Variants in VPS8 observed in about 807,000 individuals in gnomAD.
The protein encoded by VPS8 is VPS8 subunit of CORVET complex.
In VPS8, 129 loss-of-function variants were observed where a neutral mutation model predicts 216.4. That is an observed-to-expected ratio of 0.60 (90% CI 0.52 to 0.69). The LOEUF (loss-of-function observed/expected upper bound fraction) is 0.69. VPS8 is among the 30% of genes least tolerant of loss of function. The pLI is 0.00. For missense variants in VPS8, 1,531 were observed against 1,683.5 expected (o/e 0.91, Z 1.59); for synonymous variants, 571 against 565.4 (o/e 1.01, Z -0.14).
intron 45 of VPS8, among the ~76,000 whole-genome samples, chr3:185,020,757 C>T (rs972171489): frequency 6.6e-6 from 1 of 152,164 alleles, no homozygotes; most frequent in African/African-American, 2.4e-5. Context: ...GTATAAGATA[C>T]CATTCCTAGC....
chr3:185,017,724 T>C (rs1356061579), intron 45 of VPS8, among the ~76,000 whole-genome samples: 1 of 152,166 alleles, frequency 6.6e-6, no homozygotes, highest in Non-Finnish European at 1.5e-5. Flanking sequence ...ACAGCTTTTG[T>C]GCAGCGTAAA....
chr3:184,927,697 A>G lies in VPS8; in HGVS notation c.2632-754A>G, dbSNP rs924682422. On this transcript the variant is annotated intron_variant, in intron 31 of 47. Coordinates refer to ENST00000625842, the MANE Select transcript of VPS8 (RefSeq NM_001009921.3). ...TCCCCAGAACTCTTTTATCTTCCCA[A>G]ACTGAACTACCATACCAATTAAATC... Among the ~76,000 whole-genome samples, 13 of 152,216 alleles carry G rather than the reference A, an allele frequency of 8.5e-5. No homozygotes were observed. In the East Asian group the frequency reaches 1.5e-3, roughly 18 times the overall value.
At chr3:184,969,423 C>G (rs1480212276) in intron 39 of VPS8, among the ~76,000 whole-genome samples, 3 of 101,914 alleles carry the variant, frequency 2.9e-5, no homozygotes, top group Non-Finnish European at 1.9e-5. Context: ...GCCCCACCCC[C>G]CCCCCTTTTT....
rs973004376 is a variant in VPS8, at chr3:184,866,778, G to A, written c.1396-98G>A. The A allele has an allele frequency of 3.5e-5, 38 of 1,081,160 alleles. 1 individual carries two copies. Among genetic ancestry groups the A allele is most frequent in the African/African-American group, 2.1e-4 (13 of 61,958 alleles). The allele number at this position is 1,081,160 out of a possible 1,614,324, so 67.0% of individuals were successfully genotyped here. ...GTAAACTATAATCACTAAAAAAGACGTGTAACTAATAAGTCATTAATAGTG... is the reference window on the plus strand; with the variant it reads ...GTAAACTATAATCACTAAAAAAGACATGTAACTAATAAGTCATTAATAGTG... On this transcript the variant is annotated intron_variant, in intron 16 of 47. Transcript: ENST00000625842.
intron 8 of VPS8, among the ~76,000 whole-genome samples, chr3:184,846,756 A>G (rs1424550713): frequency 6.6e-6 from 1 of 152,250 alleles, no homozygotes; most frequent in Non-Finnish European, 1.5e-5. Flanking sequence ...TTACCTATAC[A>G]TGTGACCCAG....
intron 1 of VPS8, chr3:184,812,543 C>T (rs930330520): frequency 1.3e-5 from 2 of 152,228 alleles, no homozygotes; most frequent in African/African-American, 4.8e-5. Flanking sequence ...TTATTGGCTC[C>T]AAACCTGGAA....
intron 26 of VPS8, among the ~76,000 whole-genome samples, 196 bp from the exon 27 acceptor site, chr3:184,914,785 C>G (rs1159088117): frequency 6.6e-6 from 1 of 152,144 alleles, no homozygotes; most frequent in Non-Finnish European, 1.5e-5. Flanking sequence ...GATGCATTAC[C>G]TCACCTCCAT....
rs1738356504 is a variant in VPS8, at chr3:184,920,149, ACAAG to A, written c.2411_2414del (p.Gln804LeufsTer13). On this transcript the variant is annotated frameshift_variant, in exon 29 of 48. Coordinates refer to ENST00000625842, the MANE Select transcript of VPS8 (RefSeq NM_001009921.3). LOFTEE classifies it high-confidence loss of function. The stretch of plus-strand genomic sequence containing the variant: ...TAGACTTTTGAAGATTTTAAAAATG[ACAAG>A]CAAGCTGTGGAATATCAACAGCGAA... 6 of 1,525,362 alleles carry A rather than the reference ACAAG, an allele frequency of 3.9e-6. No individual in the cohort carries two copies. Among genetic ancestry groups the A allele is most frequent in the Non-Finnish European group, 4.4e-6 (5 of 1,138,052 alleles). 94.5% of individuals were successfully genotyped at this position (1,525,362 alleles called of 1,614,324 possible).
intron 35 of VPS8, among the ~76,000 whole-genome samples, chr3:184,937,089 A>C (rs537735226): frequency 1.3e-5 from 2 of 152,282 alleles, no homozygotes; most frequent in East Asian, 3.9e-4. Flanking sequence ...TGTCATCCTG[A>C]AATTGTGCTG....
chr3:184,891,802 T>A (rs1425568086), intron 22 of VPS8, among the ~76,000 whole-genome samples: 1 of 152,226 alleles, frequency 6.6e-6, no homozygotes, highest in Non-Finnish European at 1.5e-5. Flanking sequence ...ACTTGTTTGG[T>A]TCTGGTTATA....
At chr3:184,836,341 A>C (rs774911798) in intron 5 of VPS8, 1 of 456,342 alleles carries the variant, frequency 2.2e-6, no homozygotes, top group East Asian at 6.9e-5. Flanking sequence ...GTAGGTGATG[A>C]AATTCATTCC....
At chr3:184,898,467 T>G (rs1018296161) in intron 23 of VPS8, 98 bp from the exon 24 acceptor site, 6 of 931,100 alleles carry the variant, frequency 6.4e-6, no homozygotes, top group African/African-American at 1.7e-5. Flanking sequence ...ACAAGAAAAA[T>G]TAGGGAAGAG....
intron 3 of VPS8, among the ~76,000 whole-genome samples, chr3:184,829,860 C>T (rs1307763658): frequency 3.9e-5 from 6 of 152,060 alleles, no homozygotes; most frequent in African/African-American, 1.4e-4. Flanking sequence ...CCACTTCTGT[C>T]GTTTTATTTT....
At chr3:184,993,845 G>A in intron 42 of VPS8, 138 bp from the exon 43 acceptor site, 2 of 676,214 alleles carry the variant, frequency 3.0e-6, no homozygotes, top group South Asian at 2.3e-5. Context: ...TACATTTCCG[G>A]TGGAAAGTTC....
At chr3:184,996,760 G>A (rs187558843) in intron 44 of VPS8, among the ~76,000 whole-genome samples, 39 of 152,314 alleles carry the variant, frequency 2.6e-4, no homozygotes, top group African/African-American at 7.2e-4. Flanking sequence ...CAGGACAAGT[G>A]CTGTTGAATG....
intron 37 of VPS8, 150 bp from the exon 38 acceptor site, chr3:184,964,318 G>A (rs1747027902): frequency 2.5e-6 from 1 of 394,662 alleles, no homozygotes. Context: ...TGACTAGAAA[G>A]TCAGCTATTT....
intron 25 of VPS8, among the ~76,000 whole-genome samples, chr3:184,910,826 C>G (rs1736383681): frequency 6.6e-6 from 1 of 152,202 alleles, no homozygotes; most frequent in Non-Finnish European, 1.5e-5. Context: ...TGTCTCTCCT[C>G]CCCCAAATGA....
intron 41 of VPS8, 118 bp from the exon 42 acceptor site, chr3:184,982,894 C>A: frequency 1.1e-6 from 1 of 913,290 alleles, no homozygotes; most frequent in South Asian, 2.3e-5. Flanking sequence ...TCAAAGAGGC[C>A]TTGGTTAGCT....
rs528908765 is a variant in VPS8, at chr3:184,893,336, T to G, written c.1782-1367T>G. ...ACCATACCTGTGAATAAATAAACCA[T>G]TTACCACTTTCTACAATTGACATGA... On this transcript the variant is annotated intron_variant, in intron 22 of 47. Coordinates refer to ENST00000625842, the MANE Select transcript of VPS8 (RefSeq NM_001009921.3). 181 of 1,271,298 alleles carry G rather than the reference T, an allele frequency of 1.4e-4. No homozygotes were observed. In the South Asian group the frequency reaches 2.2e-3, roughly 15 times the overall value. The allele number at this position is 1,271,298 out of a possible 1,614,324, so 78.8% of individuals were successfully genotyped here.
Sources: allele counts gnomAD v4.1 joint callset (sites outside exome capture counted in the v4.1 genomes callset), GRCh38; gene constraint gnomAD v4.1.1; transcripts MANE v1.5; gene names NCBI Gene and HGNC (gene_info 2026-07-23, HGNC 2026-07-21).